SYNPR: variants seen among roughly 807,000 people sequenced by gnomAD.
The protein encoded by SYNPR is synaptoporin.
SYNPR carries 23 observed loss-of-function variants against 32.9 expected under a neutral mutation model. That is an observed-to-expected ratio of 0.70 (90% confidence interval 0.50 to 0.99). SYNPR has a LOEUF of 0.99. Ranked by LOEUF, SYNPR falls within the 50% of genes least tolerant of loss-of-function variation. The pLI is 0.00. For missense variants in SYNPR, 318 were observed against 349.3 expected (o/e 0.91, Z 0.71); for synonymous variants, 146 against 135.9 (o/e 1.07, Z -0.52).
chr3:63,477,959 C>T (rs1700963832), intron 2 of SYNPR, among the ~76,000 whole-genome samples: 1 of 152,182 alleles, frequency 6.6e-6, no homozygotes, highest in South Asian at 2.1e-4. Flanking sequence ...GTCATGCAGG[C>T]CTGGATGTCT....
intron 2 of SYNPR, among the ~76,000 whole-genome samples, chr3:63,442,252 G>A (rs1396103795): frequency 2.0e-5 from 1 of 50,398 alleles, no homozygotes; most frequent in Non-Finnish European, 3.6e-5. Context: ...GAAGGAAAGC[G>A]AGAGAGAGAG....
intron 2 of SYNPR, among the ~76,000 whole-genome samples, chr3:63,397,070 C>G (rs2088224709): frequency 6.9e-6 from 1 of 145,240 alleles, no homozygotes; most frequent in Non-Finnish European, 1.5e-5. Context: ...CGCCACTGCA[C>G]TCCAGCCTGG....
rs1205894880 is a variant in SYNPR at position 63,245,706 on chromosome 3, AGAGAGT to A, written n.67-6791_67-6786del. On this transcript the variant is annotated intron_variant and non_coding_transcript_variant, in intron 1 of 4. Transcript: ENST00000478456. ...GAGAGAGAGAGAGAGAGAGAGAGAG[AGAGAGT>A]GTGTGTGTGTGTGTGTGTGTGTGTG... Among the ~76,000 whole-genome samples, 429 of 56,236 alleles carry A rather than the reference AGAGAGT, an allele frequency of 7.6e-3. 3 individuals are homozygous for A. In the East Asian group the frequency reaches 0.077, roughly 10 times the overall value. 36.9% of individuals were successfully genotyped at this position (56,236 alleles called of 152,430 possible). A position where few individuals can be genotyped will look rare whatever the true frequency, so the allele number is the denominator to read the frequency against.
At chr3:63,341,557 T>G (rs1191184473) in intron 2 of SYNPR, among the ~76,000 whole-genome samples, 2 of 152,236 alleles carry the variant, frequency 1.3e-5, no homozygotes, top group Non-Finnish European at 1.5e-5. Context: ...CTAATAGCTA[T>G]GTAGTGGTAT....
At chr3:63,513,148 C>T (rs888062520) in intron 3 of SYNPR, among the ~76,000 whole-genome samples, 1 of 127,936 alleles carries the variant, frequency 7.8e-6, no homozygotes, top group African/African-American at 2.9e-5. Context: ...CTCCACATAT[C>T]CCCCCCTCCC....
chr3:63,606,194 C>T (rs1168058826), intron 4 of SYNPR, among the ~76,000 whole-genome samples: 10 of 152,020 alleles, frequency 6.6e-5, no homozygotes, highest in Admixed American at 6.6e-4. Context: ...CCAGGTCTGC[C>T]TAATGACAAA....
intron 2 of SYNPR, among the ~76,000 whole-genome samples, chr3:63,361,700 G>T (rs751484162): frequency 1.6e-4 from 25 of 151,854 alleles, no homozygotes; most frequent in South Asian, 4.2e-4. Flanking sequence ...GATATGGGCC[G>T]CATAGTACAT....
intron 4 of SYNPR, among the ~76,000 whole-genome samples, chr3:63,573,621 A>G (rs34948984): frequency 0.087 from 13,191 of 152,216 alleles, 699 homozygotes; most frequent in Middle Eastern, 0.12. Flanking sequence ...AGAAGTTATC[A>G]ATTGCCAAAG....
chr3:63,555,160 G>C (rs1702573378), intron 3 of SYNPR, among the ~76,000 whole-genome samples: 3 of 151,846 alleles, frequency 2.0e-5, no homozygotes, highest in Admixed American at 6.6e-5. Context: ...TCAGTGAAGA[G>C]AGATAGTTTG....
At chr3:63,596,168 C>T (rs1187166452) in intron 4 of SYNPR, among the ~76,000 whole-genome samples, 5 of 151,006 alleles carry the variant, frequency 3.3e-5, no homozygotes, top group Non-Finnish European at 5.9e-5. Context: ...TGCTCTCAGA[C>T]ACTGCCGCTG....
chr3:63,355,711 C>G (rs1052699901), intron 2 of SYNPR, among the ~76,000 whole-genome samples: 2 of 152,110 alleles, frequency 1.3e-5, no homozygotes, highest in Admixed American at 6.6e-5. Flanking sequence ...CTGGCCCCCC[C>G]AGCCAGTGCT....
intron 4 of SYNPR, chr3:63,561,580 G>C (rs532913002): frequency 6.7e-6 from 1 of 149,962 alleles, no homozygotes; most frequent in African/African-American, 2.4e-5. Context: ...AGGCTCTTTT[G>C]CTCATTTGAC....
intron 2 of SYNPR, among the ~76,000 whole-genome samples, chr3:63,315,697 G>A (rs114272035): frequency 1.3e-5 from 2 of 151,934 alleles, no homozygotes; most frequent in African/African-American, 2.4e-5. Context: ...GTGACAGTAT[G>A]ACTTCCTCTT....
intron 2 of SYNPR, among the ~76,000 whole-genome samples, chr3:63,391,319 C>A (rs1373274459): frequency 6.6e-6 from 1 of 152,162 alleles, no homozygotes; most frequent in East Asian, 1.9e-4. Flanking sequence ...TCTCATATAG[C>A]CATTTATTTT....
chr3:63,288,422 T>G lies in SYNPR; in HGVS notation c.84+9680T>G, dbSNP rs1405933838. On this transcript the variant is annotated intron_variant, in intron 2 of 5. Transcript: ENST00000478300. ...TAGCACTGGTAATTTTCTCAAGATG[T>G]TACACCTTTGAGATTTTGGCATCAG... is the stretch of plus-strand genomic sequence containing the variant. Among the ~76,000 whole-genome samples, 4 of 152,202 alleles carry G rather than the reference T, an allele frequency of 2.6e-5. No individual in the cohort carries two copies. In the South Asian group the frequency reaches 6.2e-4, roughly 24 times the overall value.
At chr3:63,550,754 G>A (rs1702486900) in intron 3 of SYNPR, among the ~76,000 whole-genome samples, 2 of 152,194 alleles carry the variant, frequency 1.3e-5, no homozygotes, top group Non-Finnish European at 2.9e-5. Context: ...ATTGCAACAG[G>A]TGACATGTGT....
chr3:63,243,665 A>G (rs2106882823), intron 1 of SYNPR, among the ~76,000 whole-genome samples: 1 of 152,190 alleles, frequency 6.6e-6, no homozygotes, highest in African/African-American at 2.4e-5. Flanking sequence ...CCATTTAAAG[A>G]GTTTTAAATA....
At chr3:63,442,788 T>G (rs774963714) in intron 2 of SYNPR, among the ~76,000 whole-genome samples, 27 of 152,300 alleles carry the variant, frequency 1.8e-4, no homozygotes, top group Non-Finnish European at 3.1e-4. Context: ...TTAATGATTA[T>G]TTATGGACAG....
intron 2 of SYNPR, among the ~76,000 whole-genome samples, chr3:63,380,532 GTTGT>G (rs1427219338): frequency 6.6e-6 from 1 of 152,128 alleles, no homozygotes; most frequent in Non-Finnish European, 1.5e-5. Context: ...TTTTGATGGT[GTTGT>G]TTGTTTTTTT....
Sources: gnomAD v4.1 joint callset for allele counts (sites outside exome capture counted in the v4.1 genomes callset) on GRCh38, gnomAD v4.1.1 for gene constraint, MANE v1.5 for transcripts, NCBI Gene and HGNC (gene_info 2026-07-23, HGNC 2026-07-21) for gene names.